The following BAZ1B variants were observed in gnomAD, a reference collection of about 807,000 sequenced individuals.
BAZ1B encodes the protein bromodomain adjacent to zinc finger domain 1B.
Under a neutral mutation model 153.8 loss-of-function variants are expected in BAZ1B, and 22 were observed. That is an observed-to-expected ratio of 0.14 (90% CI 0.10 to 0.20). The LOEUF is 0.20. BAZ1B is among the 10% of genes least tolerant of loss of function. The pLI is 1.00. For missense variants in BAZ1B, 1,325 were observed against 1,799.3 expected, an observed-to-expected ratio of 0.74 and a Z score of 4.77; for synonymous variants, 676 against 633.4, an observed-to-expected ratio of 1.07 and a Z score of -1.01.
At chr7:73,451,032 G>C in intron 13 of BAZ1B, 38 bp from the exon 14 acceptor site, 1 of 1,602,362 alleles carries the variant, frequency 6.2e-7, no homozygotes, top group Non-Finnish European at 8.5e-7. Context: ...TTACTACACT[G>C]ACCAAAGACA....
In BAZ1B at chr7:73,450,787, T is replaced by C; in HGVS notation, c.3580+60A>G. 2 of 1,579,620 alleles carry C rather than the reference T, an allele frequency of 1.3e-6. No individual in the cohort carries two copies. Among genetic ancestry groups the C allele is most frequent in the South Asian group, 1.1e-5 (1 of 89,250 alleles). ...ATTCTTTTGGGTAGAAATGAAGATC[T>C]TGGGAATAGAAATCCTACTCCCTAA... On this transcript the variant is annotated intron_variant, in intron 14 of 19. Transcript: ENST00000339594. This position sits in a 1 kb window ranked among gnomAD's most constrained non-coding sequence, Gnocchi z 4.1.
rs1791083170 is a variant in BAZ1B at position 73,522,063 on chromosome 7, G to A, written c.-130C>T. The A allele has an allele frequency of 3.6e-6, 2 of 562,940 alleles. No individual in the cohort carries two copies. The highest frequency in any genetic ancestry group is 5.3e-6 in the Non-Finnish European group (2 of 378,010). 34.9% of individuals were successfully genotyped at this position (562,940 alleles called of 1,614,324 possible). A position where few individuals can be genotyped will look rare whatever the true frequency, so the allele number is the denominator to read the frequency against. ...GGGAAGGGAGGGGTGAGAGGGCGGC[G>A]CGAACTCCGGCTCCCTCACCGCCGG... On this transcript the variant is annotated 5_prime_UTR_variant, in exon 1 of 20. Coordinates refer to ENST00000339594, the MANE Select transcript of BAZ1B (RefSeq NM_032408.4).
In BAZ1B at chr7:73,494,800, A is replaced by T. The variant is rs189985747; in HGVS notation, c.572-1879T>A. On this transcript the variant is annotated intron_variant, in intron 4 of 19. Coordinates refer to ENST00000339594, the MANE Select transcript of BAZ1B (RefSeq NM_032408.4). ...GTAACTGTAATACAGAAGGAAAGAGAGTCAAAATTCTTCCAGTTCGTGACC... is the reference window on the plus strand; with the variant it reads ...GTAACTGTAATACAGAAGGAAAGAGTGTCAAAATTCTTCCAGTTCGTGACC... 3.9e-5 allele frequency among the ~76,000 whole-genome samples: 6 copies of T among 152,350 alleles called. No individual in the cohort carries two copies. The East Asian group carries it at 1.2e-3, about 29-fold the overall frequency.
intron 4 of BAZ1B, among the ~76,000 whole-genome samples, chr7:73,497,083 A>AAAAAAAAAAAAAAAAC (rs1789938059): frequency 1.3e-5 from 2 of 149,914 alleles, no homozygotes; most frequent in East Asian, 1.9e-4. Flanking sequence ...AAAAAAAAAA[A>AAAAAAAAAAAAAAAAC]CCTACAAAAA....
chr7:73,459,833 A>G (rs1788332140), intron 12 of BAZ1B, 115 bp from the exon 13 acceptor site: 1 of 890,732 alleles, frequency 1.1e-6, no homozygotes, highest in Admixed American at 2.8e-5. Context: ...TTCATTAAAC[A>G]AAATCGAGAG....
At chr7:73,476,712 C>T (rs1419999206) in intron 7 of BAZ1B, among the ~76,000 whole-genome samples, 156 bp downstream of exon 7, 1 of 152,146 alleles carries the variant, frequency 6.6e-6, no homozygotes, top group Non-Finnish European at 1.5e-5. Context: ...AAATTATCAA[C>T]AGAACTAATA....
chr7:73,476,768 A>C (rs1220012829), intron 7 of BAZ1B, 100 bp downstream of exon 7: 1 of 1,504,762 alleles, frequency 6.6e-7, no homozygotes, highest in Non-Finnish European at 8.8e-7. Flanking sequence ...TACATACAGA[A>C]ATAAGTAAAC....
intron 6 of BAZ1B, among the ~76,000 whole-genome samples, chr7:73,481,342 C>T (rs992479857): frequency 1.3e-5 from 2 of 151,564 alleles, no homozygotes; most frequent in Non-Finnish European, 2.9e-5. Flanking sequence ...AGTGAAACCC[C>T]ATCTCTAGTA....
intron 1 of BAZ1B, among the ~76,000 whole-genome samples, chr7:73,518,516 C>T (rs1790904374): frequency 6.6e-6 from 1 of 152,150 alleles, no homozygotes; most frequent in African/African-American, 2.4e-5. Flanking sequence ...ACAACTACAA[C>T]TTAACTCCAT....
At chr7:73,501,887 A>AT (rs200718272) in intron 3 of BAZ1B, among the ~76,000 whole-genome samples, 5,255 of 133,104 alleles carry the variant, frequency 0.039, 390 homozygotes, top group African/African-American at 0.12. Flanking sequence ...CTTATCAAGA[A>AT]TTTTTTTTTT....
intron 4 of BAZ1B, among the ~76,000 whole-genome samples, chr7:73,496,708 CAT>C (rs1789915475): frequency 6.6e-6 from 1 of 152,170 alleles, no homozygotes; most frequent in Non-Finnish European, 1.5e-5. Context: ...CCTAGGACAT[CAT>C]AGTTTCAGGA....
intron 6 of BAZ1B, among the ~76,000 whole-genome samples, chr7:73,485,028 T>C (rs1789349438): frequency 1.3e-5 from 2 of 152,172 alleles, no homozygotes; most frequent in South Asian, 2.1e-4. Context: ...GATTAGATAA[T>C]AGAGTTATTT....
intron 5 of BAZ1B, 113 bp downstream of exon 5, chr7:73,492,687 C>G (rs1789699772): frequency 9.4e-7 from 1 of 1,067,564 alleles, no homozygotes; most frequent in African/African-American, 1.6e-5. Context: ...CACTCAGAAT[C>G]TGCTGTACAT....
chr7:73,505,900 C>T (rs1177593310), intron 3 of BAZ1B, among the ~76,000 whole-genome samples: 7 of 152,120 alleles, frequency 4.6e-5, no homozygotes, highest in Admixed American at 1.3e-4. Context: ...TTGAGAACTA[C>T]GGACTATTAT....
At position 73,498,527 on chromosome 7, in the gene BAZ1B, T is replaced by C. The variant is rs1443067884; in HGVS notation, c.541A>G (p.Lys181Glu). ...QDHQKKETVVKEDEGRRESIN... is the reference protein window; with the variant it reads ...QDHQKKETVVEEDEGRRESIN... ...CTCTCTCTCCTTCCTTCATCCTCTT[T>C]CACAACTGTCTCCTTCTTCTGATGG... Residue 181 changes from lysine to glutamate, a missense_variant, in exon 4 of 20, where the codon AAA becomes GAA. This residue lies in a region of BAZ1B where 153 missense variants were observed against 204.8 expected (regional missense o/e 0.75). Coordinates refer to ENST00000339594, the MANE Select transcript of BAZ1B (RefSeq NM_032408.4). 1.2e-6 allele frequency: 2 copies of C among 1,613,970 alleles called. No individual in the cohort carries two copies. Among genetic ancestry groups the C allele is most frequent in the African/African-American group, 2.7e-5 (2 of 74,934 alleles).
At position 73,499,831 on chromosome 7, in the gene BAZ1B, C is replaced by T. The variant is rs566741260; in HGVS notation, c.370-1133G>A. On this transcript the variant is annotated intron_variant, in intron 3 of 19. Coordinates refer to ENST00000339594, the MANE Select transcript of BAZ1B (RefSeq NM_032408.4). Reference sequence around the variant, plus strand: ...TTAATCTGAAATCTATCCTCTGATACTTACATAGCCCCTTCAGATTTCTTT... The same window carrying T: ...TTAATCTGAAATCTATCCTCTGATATTTACATAGCCCCTTCAGATTTCTTT... Among the ~76,000 whole-genome samples the T allele has an allele frequency of 1.2e-4, 19 of 152,314 alleles. No individual in the cohort carries two copies. In the South Asian group the frequency reaches 1.9e-3, roughly 15 times the overall value.
In BAZ1B at chr7:73,441,235, A is replaced by G. The variant is rs1287801508; in HGVS notation, c.*474T>C. 2 of 152,720 alleles carry G rather than the reference A, an allele frequency of 1.3e-5. No individual in the cohort carries two copies. Among genetic ancestry groups the G allele is most frequent in the Admixed American group, 6.5e-5 (1 of 15,290 alleles). 9.5% of individuals were successfully genotyped at this position (152,720 alleles called of 1,614,324 possible). ...CATTATCATAGAAACTGTACTGTAC[A>G]TGTGCTAAAGCAAGATGTCAGGAGT... On this transcript the variant is annotated 3_prime_UTR_variant, in exon 20 of 20. Coordinates refer to ENST00000339594, the MANE Select transcript of BAZ1B (RefSeq NM_032408.4).
At chr7:73,492,365 T>C (rs1341284498) in intron 5 of BAZ1B, among the ~76,000 whole-genome samples, 2 of 152,100 alleles carry the variant, frequency 1.3e-5, no homozygotes, top group Admixed American at 1.3e-4. Flanking sequence ...GGTTTCACCA[T>C]GTTAGCCGGG....
chr7:73,470,536 T>C, intron 7 of BAZ1B, 53 bp from the exon 8 acceptor site: 1 of 1,585,208 alleles, frequency 6.3e-7, no homozygotes, highest in Non-Finnish European at 8.6e-7. Flanking sequence ...AATCCCACTC[T>C]TACAAATTAA....
Sources: allele counts gnomAD v4.1 joint callset (sites outside exome capture counted in the v4.1 genomes callset), GRCh38; gene constraint gnomAD v4.1.1; regional missense constraint gnomAD v4.1.1; non-coding constraint Gnocchi (gnomAD v3.1); transcripts MANE v1.5; gene names NCBI Gene and HGNC (gene_info 2026-07-23, HGNC 2026-07-21).